The following ATRNL1 variants were observed in gnomAD, a reference collection of about 807,000 sequenced individuals.
The protein encoded by ATRNL1 is attractin like 1, also known as attractin-like protein 1.
Under a neutral mutation model 182.7 loss-of-function variants are expected in ATRNL1, and 95 were observed. That is an observed-to-expected ratio of 0.52 (90% CI 0.44 to 0.62). ATRNL1 has a LOEUF of 0.62. Ranked by LOEUF, ATRNL1 falls within the 20% of genes least tolerant of loss-of-function variation. The pLI is 0.00. For missense variants in ATRNL1, 1,471 were observed against 1,679.5 expected (o/e 0.88, Z 2.17); for synonymous variants, 576 against 568.3 (o/e 1.01, Z -0.19).
intron 26 of ATRNL1, among the ~76,000 whole-genome samples, chr10:115,590,739 A>G (rs977397212): frequency 5.3e-5 from 8 of 152,158 alleles, no homozygotes; most frequent in African/African-American, 1.9e-4. Flanking sequence ...CACATTCAAC[A>G]TTCAATGAGG....
intron 28 of ATRNL1, among the ~76,000 whole-genome samples, chr10:115,873,589 G>A (rs1245162978): frequency 6.6e-6 from 1 of 152,094 alleles, no homozygotes; most frequent in African/African-American, 2.4e-5. Context: ...TTTCTTTAAG[G>A]TAGTTTCTGG....
At chr10:115,650,655 T>C in intron 26 of ATRNL1, among the ~76,000 whole-genome samples, 1 of 152,064 alleles carries the variant, frequency 6.6e-6, no homozygotes, top group South Asian at 2.1e-4. Flanking sequence ...ATCTGTTGTT[T>C]TGTCTTCTTT....
At chr10:115,208,389 TG>T (rs1418485863) in intron 8 of ATRNL1, among the ~76,000 whole-genome samples, 1 of 152,168 alleles carries the variant, frequency 6.6e-6, no homozygotes, top group African/African-American at 2.4e-5. Context: ...TTTTTTCATA[TG>T]TTTTAGGCAT....
intron 13 of ATRNL1, among the ~76,000 whole-genome samples, chr10:115,278,561 G>A (rs895517419): frequency 2.6e-5 from 4 of 152,210 alleles, no homozygotes; most frequent in Non-Finnish European, 2.9e-5. Context: ...TCAGTTGGCA[G>A]CATGTGTTTG....
Position 115,271,181 on chromosome 10 carries a change from C to A in ATRNL1, c.2100+2737C>A, listed in dbSNP as rs891257617. The stretch of plus-strand genomic sequence containing the variant: ...CAAAGATATTACACACACACACACA[C>A]ACACACACACACACACACAGATGTA... On this transcript the variant is annotated intron_variant, in intron 13 of 28. Transcript: ENST00000355044. Among the ~76,000 whole-genome samples the A allele has an allele frequency of 7.2e-5, 11 of 151,958 alleles. No individual in the cohort carries two copies. In the East Asian group the frequency reaches 2.1e-3, roughly 29 times the overall value.
chr10:115,535,182 G>C (rs1199819804), intron 25 of ATRNL1, among the ~76,000 whole-genome samples: 1 of 151,932 alleles, frequency 6.6e-6, no homozygotes, highest in East Asian at 1.9e-4. Flanking sequence ...AAGTTCTCCT[G>C]GATAATATCC....
At chr10:115,736,507 A>G (rs1364170599) in intron 27 of ATRNL1, among the ~76,000 whole-genome samples, 2 of 152,050 alleles carry the variant, frequency 1.3e-5, no homozygotes, top group Admixed American at 1.3e-4. Context: ...TGATCATTTC[A>G]ATATCTGAAA....
chr10:115,363,189 C>A (rs1292999703), intron 19 of ATRNL1, among the ~76,000 whole-genome samples: 1 of 128,296 alleles, frequency 7.8e-6, no homozygotes, highest in Non-Finnish European at 1.7e-5. Flanking sequence ...CCTGTTGTTT[C>A]CTGACTTTTT....
chr10:115,304,415 G>A (rs1853626355), intron 17 of ATRNL1, among the ~76,000 whole-genome samples: 2 of 152,172 alleles, frequency 1.3e-5, no homozygotes, highest in Admixed American at 1.3e-4. Flanking sequence ...AGGAACACCA[G>A]GGCTCTTGTC....
At chr10:115,389,239 G>T (rs1484239990) in intron 19 of ATRNL1, among the ~76,000 whole-genome samples, 1 of 151,834 alleles carries the variant, frequency 6.6e-6, no homozygotes, top group Non-Finnish European at 1.5e-5. Context: ...GGGTGCGGTG[G>T]CTCACACCTA....
chr10:115,497,902 C>T (rs111686917), intron 24 of ATRNL1, among the ~76,000 whole-genome samples: 333 of 151,830 alleles, frequency 2.2e-3, no homozygotes, highest in African/African-American at 6.4e-3. Flanking sequence ...ATGATCCACC[C>T]GCCTAGGCCT....
At chr10:115,104,313 A>G (rs1334738646) in intron 1 of ATRNL1, among the ~76,000 whole-genome samples, 1 of 151,878 alleles carries the variant, frequency 6.6e-6, no homozygotes, top group Non-Finnish European at 1.5e-5. Context: ...GCATCTTTTT[A>G]TTTACCTTTT....
intron 26 of ATRNL1, among the ~76,000 whole-genome samples, chr10:115,552,302 G>GT (rs1565158328): frequency 6.6e-6 from 1 of 151,208 alleles, no homozygotes; most frequent in African/African-American, 2.4e-5. Context: ...TAGATTAACT[G>GT]TAATATTTCC....
chr10:115,623,618 A>G (rs1378811254), intron 26 of ATRNL1, among the ~76,000 whole-genome samples: 1 of 152,170 alleles, frequency 6.6e-6, no homozygotes, highest in Non-Finnish European at 1.5e-5. Context: ...AGTACAAAGA[A>G]GAAATAATGA....
At chr10:115,912,963 TC>T (rs1407971514) in intron 28 of ATRNL1, among the ~76,000 whole-genome samples, 20 of 152,262 alleles carry the variant, frequency 1.3e-4, no homozygotes, top group Admixed American at 1.0e-3. Flanking sequence ...AGCTCCCAAT[TC>T]CCCACAGTGT....
At chr10:115,414,416 T>C (rs1845290392) in intron 20 of ATRNL1, among the ~76,000 whole-genome samples, 1 of 151,872 alleles carries the variant, frequency 6.6e-6, no homozygotes, top group South Asian at 2.1e-4. Context: ...TTTTACTTTC[T>C]TTTTCCATCA....
chr10:115,130,674 T>C (rs1234272339), intron 5 of ATRNL1, among the ~76,000 whole-genome samples: 3 of 152,128 alleles, frequency 2.0e-5, no homozygotes, highest in African/African-American at 7.2e-5. Context: ...TTTAATCATT[T>C]ATGACTTTTC....
At chr10:115,361,138 A>G (rs1592520194) in intron 19 of ATRNL1, among the ~76,000 whole-genome samples, 1 of 151,986 alleles carries the variant, frequency 6.6e-6, no homozygotes, top group South Asian at 2.1e-4. Context: ...GTTAGTCCTC[A>G]GTCTTTCACC....
At chr10:115,902,816 A>G (rs1044901420) in intron 28 of ATRNL1, among the ~76,000 whole-genome samples, 4 of 152,198 alleles carry the variant, frequency 2.6e-5, no homozygotes, top group African/African-American at 9.7e-5. Context: ...CAACGGGGGG[A>G]TCTGACAGGT....
Sources: allele counts gnomAD v4.1 joint callset (sites outside exome capture counted in the v4.1 genomes callset), GRCh38; gene constraint gnomAD v4.1.1; transcripts MANE v1.5; gene names NCBI Gene and HGNC (gene_info 2026-07-23, HGNC 2026-07-21).